USP7: variants seen among roughly 807,000 people sequenced by gnomAD.
USP7 encodes the protein ubiquitin C-terminal hydrolase 7.
In USP7, 9 loss-of-function variants were observed where a neutral mutation model predicts 162.9. That is an observed-to-expected ratio of 0.06 (90% confidence interval 0.03 to 0.10). The LOEUF (loss-of-function observed/expected upper bound fraction) is 0.10. Among genes scored for constraint, USP7 ranks in the 10% least tolerant of loss-of-function variants. The pLI, the probability that USP7 is intolerant of heterozygous loss-of-function variation, is 1.00. For synonymous variants in USP7, 562 were observed against 475.9 expected, an observed-to-expected ratio of 1.18 and a Z score of -2.35; for missense variants, 715 against 1,373.7, an observed-to-expected ratio of 0.52 and a Z score of 7.58.
chr16:8,908,491 C>A, intron 11 of USP7, 41 bp from the exon 12 acceptor site: 1 of 1,547,070 alleles, frequency 6.5e-7, no homozygotes. Flanking sequence ...TTAGCCTCTA[C>A]TTACTCCTGG....
intron 1 of USP7, among the ~76,000 whole-genome samples, chr16:8,942,556 A>G (rs1367652728): frequency 6.6e-6 from 1 of 152,074 alleles, no homozygotes; most frequent in East Asian, 1.9e-4. Context: ...CTTACGGCTT[A>G]TTTATTTTTG....
At chr16:8,944,922 A>G (rs13338372) in intron 1 of USP7, among the ~76,000 whole-genome samples, 41,031 of 151,972 alleles carry the variant, frequency 0.27, 7,199 homozygotes, top group African/African-American at 0.51. Flanking sequence ...AGCCTGGCCA[A>G]TATGGCGAAA....
chr16:8,896,787 A>C (rs1596349061), intron 26 of USP7, among the ~76,000 whole-genome samples: 1 of 152,200 alleles, frequency 6.6e-6, no homozygotes, highest in East Asian at 1.9e-4. Context: ...CAGCGGCTTG[A>C]GGGTTACCCC....
intron 10 of USP7, among the ~76,000 whole-genome samples, chr16:8,911,728 C>T (rs2061949704): frequency 6.6e-6 from 1 of 152,206 alleles, no homozygotes. Context: ...GGCAGAGTAG[C>T]CTAAAGCAGA....
chr16:8,941,669 C>T (rs974309361), intron 1 of USP7, among the ~76,000 whole-genome samples: 1 of 152,180 alleles, frequency 6.6e-6, no homozygotes, highest in Non-Finnish European at 1.5e-5. Context: ...AAGACAAAGA[C>T]CAGGCCGTGT....
chr16:8,923,724 C>G (rs561196815), intron 2 of USP7, among the ~76,000 whole-genome samples: 2 of 152,166 alleles, frequency 1.3e-5, no homozygotes, highest in African/African-American at 4.8e-5. Flanking sequence ...CCCCAGGCAC[C>G]AAGTGAGTGG....
chr16:8,935,633 A>T (rs1236896406), intron 1 of USP7: 1 of 152,252 alleles, frequency 6.6e-6, no homozygotes, highest in Non-Finnish European at 1.5e-5. Context: ...ATAGGAAATA[A>T]AGCAATTACC....
Position 8,895,695 on chromosome 16 carries a change from C to T in USP7, c.2866G>A (p.Asp956Asn). The change falls in exon 27 of 31, where the codon GAT becomes AAT. Residue 956 changes from aspartate to asparagine, a missense_variant. Asp to Asn is a conservative substitution (Grantham distance 23). Around this residue, in one of 11 missense-constraint regions of USP7, gnomAD observed 222 missense variants for 441.7 expected, o/e 0.50. Coordinates refer to ENST00000344836, the MANE Select transcript of USP7 (RefSeq NM_003470.3). ...SYKIIGVHQE[D>N]ELLECLSPAT... ...GGAGATAAACATTCTAATAGTTCAT[C>T]TTCTTGATGAACACCAATGATTTTG... The T allele has an allele frequency of 1.9e-6, 3 of 1,613,336 alleles. No homozygotes were observed. The highest frequency in any genetic ancestry group is 2.5e-6 in the Non-Finnish European group (3 of 1,179,868).
At chr16:8,921,426 TAA>T in intron 3 of USP7, 131 bp from the exon 4 acceptor site, 1 of 1,084,808 alleles carries the variant, frequency 9.2e-7, no homozygotes, top group Non-Finnish European at 1.3e-6. Context: ...GGGTTGGGGT[TAA>T]AGGTAGGATG....
At chr16:8,919,208 A>C in intron 5 of USP7, 69 bp from the exon 6 acceptor site, 1 of 1,510,786 alleles carries the variant, frequency 6.6e-7, no homozygotes, top group Non-Finnish European at 9.2e-7. Context: ...TGTGTGAAGC[A>C]ATCTGACTCA....
chr16:8,956,776 C>CAAAAAAAAAA (rs375578803), intron 1 of USP7, among the ~76,000 whole-genome samples: 1 of 147,654 alleles, frequency 6.8e-6, no homozygotes, highest in Non-Finnish European at 1.5e-5. Flanking sequence ...AAAACAAAAA[C>CAAAAAAAAAA]AAAAAAAAAA....
intron 1 of USP7, among the ~76,000 whole-genome samples, chr16:8,944,212 T>G (rs572152960): frequency 6.9e-6 from 1 of 145,190 alleles, no homozygotes; most frequent in African/African-American, 2.6e-5. Context: ...AAAGCAAAAA[T>G]ACGCAGAGCA....
At chr16:8,947,897 G>T (rs1024192315) in intron 1 of USP7, among the ~76,000 whole-genome samples, 8 of 152,158 alleles carry the variant, frequency 5.3e-5, no homozygotes, top group African/African-American at 1.9e-4. Flanking sequence ...TCGGAAGGTG[G>T]GAGTAAAGCA....
intron 10 of USP7, among the ~76,000 whole-genome samples, chr16:8,912,232 G>A (rs759815784): frequency 1.3e-5 from 2 of 151,982 alleles, no homozygotes; most frequent in Admixed American, 6.6e-5. Flanking sequence ...TACGTGGATC[G>A]CCTGAGGTCA....
intron 1 of USP7, among the ~76,000 whole-genome samples, chr16:8,939,169 G>T (rs1290105948): frequency 6.6e-6 from 1 of 152,172 alleles, no homozygotes; most frequent in African/African-American, 2.4e-5. Flanking sequence ...TTACTGTGTA[G>T]ATTTGTGTGT....
intron 1 of USP7, among the ~76,000 whole-genome samples, chr16:8,937,208 T>A (rs937388851): frequency 1.0e-3 from 2 of 1,966 alleles, no homozygotes; most frequent in Non-Finnish European, 2.9e-3. Flanking sequence ...GACTCTGTCT[T>A]TTTTTAAAAA....
rs2061721756 is a variant in USP7, at chr16:8,898,404, G to T, written c.2674C>A (p.Arg892=). 4 of 1,612,896 alleles carry T rather than the reference G, an allele frequency of 2.5e-6. No homozygotes were observed. The highest frequency in any genetic ancestry group is 3.3e-5 in the Admixed American group (2 of 59,854). Residue 892 remains arginine, a synonymous_variant, in exon 25 of 31, where the codon CGA becomes AGA. Transcript: ENST00000344836. ...TTTAACCATATACATTTAAAACTTCGCCTGTTCTCAAAGTCTGTGATTTTC... is the reference window on the plus strand; with the variant it reads ...TTTAACCATATACATTTAAAACTTCTCCTGTTCTCAAAGTCTGTGATTTTC... ...KMKITDFENR[R]SFKCIWLNSQ...
At chr16:8,938,105 GCC>G (rs763723410) in intron 1 of USP7, among the ~76,000 whole-genome samples, 49 of 152,170 alleles carry the variant, frequency 3.2e-4, no homozygotes, top group Admixed American at 5.9e-4. Flanking sequence ...CAAAGGCACT[GCC>G]ACAAGAGGCC....
At chr16:8,901,455 T>C (rs903003196) in intron 18 of USP7, among the ~76,000 whole-genome samples, 1 of 152,156 alleles carries the variant, frequency 6.6e-6, no homozygotes, top group Non-Finnish European at 1.5e-5. Context: ...ATCAGACCCA[T>C]GGAAACCCAC....
Sources: gnomAD v4.1 joint callset for allele counts (sites outside exome capture counted in the v4.1 genomes callset) on GRCh38, gnomAD v4.1.1 for gene constraint, gnomAD v4.1.1 regional missense constraint, MANE v1.5 for transcripts, NCBI Gene and HGNC (gene_info 2026-07-23, HGNC 2026-07-21) for gene names.